Variants in KIAA1217 observed in about 807,000 individuals in gnomAD.
KIAA1217 encodes sickle tail protein homolog.
KIAA1217 carries 88 observed loss-of-function variants against 163.9 expected under a neutral mutation model. The observed-to-expected ratio is 0.54, with a 90% CI of 0.45 to 0.64. The LOEUF is 0.64. Among genes scored for constraint, KIAA1217 ranks in the 30% least tolerant of loss-of-function variants. KIAA1217 has a pLI of 0.00. For synonymous variants in KIAA1217, 903 were observed against 923.1 expected (o/e 0.98, Z 0.39); for missense variants, 2,372 against 2,475.0 (o/e 0.96, Z 0.88).
chr10:24,211,026 T>C (rs779911864), intron 1 of KIAA1217, among the ~76,000 whole-genome samples: 3 of 152,152 alleles, frequency 2.0e-5, no homozygotes, highest in Admixed American at 6.5e-5. Context: ...TTATGTAAAG[T>C]GCACATTTAA....
chr10:24,491,980 GA>G (rs1489023123), intron 6 of KIAA1217, among the ~76,000 whole-genome samples: 2 of 151,642 alleles, frequency 1.3e-5, no homozygotes, highest in Non-Finnish European at 2.9e-5. Flanking sequence ...TAGGATTGAA[GA>G]AAAGCAGTAA....
intron 3 of KIAA1217, among the ~76,000 whole-genome samples, chr10:24,430,732 C>T (rs948903835): frequency 6.6e-6 from 1 of 152,156 alleles, no homozygotes; most frequent in Non-Finnish European, 1.5e-5. Context: ...AGGGTTCACG[C>T]TCCTATGAGA....
intron 5 of KIAA1217, among the ~76,000 whole-genome samples, chr10:24,461,692 C>T (rs1323992195): frequency 6.6e-6 from 1 of 152,186 alleles, no homozygotes; most frequent in Admixed American, 6.5e-5. Context: ...AACATCACCT[C>T]ATTGTGTAAA....
chr10:23,926,891 A>G (rs1314953179), intron 1 of KIAA1217, among the ~76,000 whole-genome samples: 1 of 151,378 alleles, frequency 6.6e-6, no homozygotes, highest in East Asian at 1.9e-4. Flanking sequence ...AGTCTATCCT[A>G]TTTATTTATC....
At chr10:24,314,132 T>C (rs1276046102) in intron 2 of KIAA1217, among the ~76,000 whole-genome samples, 1 of 152,210 alleles carries the variant, frequency 6.6e-6, no homozygotes, top group Non-Finnish European at 1.5e-5. Flanking sequence ...ACTTAATCCT[T>C]ACCAAGAGAG....
intron 17 of KIAA1217, among the ~76,000 whole-genome samples, chr10:24,537,660 C>A (rs924808355): frequency 1.4e-4 from 21 of 151,928 alleles, no homozygotes; most frequent in Middle Eastern, 3.4e-3. Flanking sequence ...ACTGGTGTAA[C>A]CTCATGGAAA....
chr10:24,429,988 T>C (rs373441265), intron 3 of KIAA1217, among the ~76,000 whole-genome samples: 2 of 152,042 alleles, frequency 1.3e-5, no homozygotes, highest in African/African-American at 4.8e-5. Context: ...AAAAAAAATA[T>C]ACAAAAAATT....
intron 1 of KIAA1217, among the ~76,000 whole-genome samples, chr10:24,211,550 G>T (rs142854313): frequency 0.19 from 7,404 of 39,732 alleles, 766 homozygotes; most frequent in African/African-American, 0.41. Flanking sequence ...GTATTGTATT[G>T]TATTGTATTG....
chr10:24,005,682 T>C (rs1970288), intron 1 of KIAA1217, among the ~76,000 whole-genome samples: 98,733 of 152,100 alleles, frequency 0.65, 32,610 homozygotes, highest in Middle Eastern at 0.79. Flanking sequence ...TAGTGTGGTG[T>C]CTTGTTAGAG....
At chr10:23,758,002 G>A (rs1834007152) in intron 1 of KIAA1217, among the ~76,000 whole-genome samples, 1 of 151,954 alleles carries the variant, frequency 6.6e-6, no homozygotes, top group African/African-American at 2.4e-5. Flanking sequence ...TCATTCTGTG[G>A]GTTGTCTTTT....
At chr10:23,786,058 A>T (rs1257661683) in intron 1 of KIAA1217, among the ~76,000 whole-genome samples, 1 of 152,204 alleles carries the variant, frequency 6.6e-6, no homozygotes, top group Non-Finnish European at 1.5e-5. Context: ...ACAAGTATCT[A>T]CATAAAATTA....
At chr10:24,075,186 A>T (rs1190644152) in intron 2 of KIAA1217, among the ~76,000 whole-genome samples, 1 of 150,350 alleles carries the variant, frequency 6.7e-6, no homozygotes, top group Non-Finnish European at 1.5e-5. Context: ...CATGCTCACT[A>T]CAGCCTCAAA....
intron 2 of KIAA1217, among the ~76,000 whole-genome samples, chr10:24,320,101 T>C (rs2043944576): frequency 6.6e-6 from 1 of 152,238 alleles, no homozygotes; most frequent in Non-Finnish European, 1.5e-5. Flanking sequence ...ATGTATGATA[T>C]GAAATGCTCT....
intron 1 of KIAA1217, among the ~76,000 whole-genome samples, chr10:23,721,657 A>G (rs1245235200): frequency 6.6e-6 from 1 of 152,252 alleles, no homozygotes; most frequent in Middle Eastern, 3.4e-3. Context: ...AAGATAAATA[A>G]ATTGTTAAAA....
chr10:24,546,172 T>TCCTCCTCCCCTCCTTCTCCTG lies in KIAA1217; in HGVS notation c.5689_5709dup (p.Pro1897_Ser1903dup). 1 of 1,614,064 alleles carries TCCTCCTCCCCTCCTTCTCCTG rather than the reference T, an allele frequency of 6.2e-7. No individual in the cohort carries two copies. Among genetic ancestry groups the TCCTCCTCCCCTCCTTCTCCTG allele is most frequent in the Non-Finnish European group, 8.5e-7 (1 of 1,180,012 alleles). On this transcript the variant is annotated inframe_insertion, in exon 21 of 21. Transcript: ENST00000376454. ...CCGAGCACCCCCTCCTTTGTCATTT[T>TCCTCCTCCCCTCCTTCTCCTG]CCTCCTCCCCTCCTTCTCCTGCCTC...
At chr10:24,052,731 A>G (rs540580648) in intron 2 of KIAA1217, among the ~76,000 whole-genome samples, 36 of 152,104 alleles carry the variant, frequency 2.4e-4, no homozygotes, top group Admixed American at 4.6e-4. Context: ...GTATGTGATT[A>G]CCTTTTTATT....
intron 2 of KIAA1217, among the ~76,000 whole-genome samples, chr10:24,312,328 G>A (rs1458470999): frequency 6.7e-6 from 1 of 148,160 alleles, no homozygotes; most frequent in African/African-American, 2.5e-5. Flanking sequence ...AAAAAAAAAA[G>A]GCTGGGGCCA....
intron 1 of KIAA1217, among the ~76,000 whole-genome samples, chr10:23,826,688 G>A (rs1837915949): frequency 6.6e-6 from 1 of 152,160 alleles, no homozygotes. Flanking sequence ...GGAGCGTCCT[G>A]TGGTGTGTAG....
At position 23,964,713 on chromosome 10, in the gene KIAA1217, G is replaced by A. The variant is rs577213446; in HGVS notation, c.-320-42512G>A. 3.3e-5 allele frequency among the ~76,000 whole-genome samples: 5 copies of A among 151,960 alleles called. No homozygotes were observed. The South Asian group carries it at 8.3e-4, about 25-fold the overall frequency. ...TGGGGCTTCAGGTGCATGCCACCAC[G>A]CCCAGCTAATTTTTGTATTTTTTAG... On this transcript the variant is annotated intron_variant, in intron 1 of 18. Transcript: ENST00000376462.
Sources: gnomAD v4.1 joint callset for allele counts (sites outside exome capture counted in the v4.1 genomes callset) on GRCh38, gnomAD v4.1.1 for gene constraint, MANE v1.5 for transcripts, NCBI Gene and HGNC (gene_info 2026-07-23, HGNC 2026-07-21) for gene names.